The following DOCK11 variants were observed in gnomAD, a reference collection of about 807,000 sequenced individuals.
The protein encoded by DOCK11 is dedicator of cytokinesis 11.
In DOCK11, 70 loss-of-function variants were observed where a neutral mutation model predicts 169.1. The observed-to-expected ratio is 0.41, with a 90% CI of 0.34 to 0.51. The LOEUF is 0.51. Among genes scored for constraint, DOCK11 ranks in the 20% least tolerant of loss-of-function variants. DOCK11 has a pLI of 0.10. For synonymous variants in DOCK11, 529 were observed against 541.3 expected (o/e 0.98, Z 0.32); for missense variants, 1,166 against 1,538.8 (o/e 0.76, Z 4.05).
At chrX:118,566,329 C>CT in intron 8 of DOCK11, 147 bp downstream of exon 8, 2 of 608,709 alleles carry the variant, frequency 3.3e-6, no homozygotes, top group Non-Finnish European at 5.0e-6. Flanking sequence ...GGTTGATAGA[C>CT]TTTTTTTAAA....
chrX:118,605,495 T>G, intron 24 of DOCK11, 139 bp downstream of exon 24: 1 of 393,368 alleles, frequency 2.5e-6, no homozygotes, highest in Non-Finnish European at 4.4e-6. Context: ...GTGTTTTCAT[T>G]GTCATTTGTC....
chrX:118,542,871 A>G, intron 2 of DOCK11, 30 bp downstream of exon 2: 1 of 1,198,023 alleles, frequency 8.3e-7, no homozygotes, highest in Non-Finnish European at 1.1e-6. Flanking sequence ...TTTAAAGAAA[A>G]AAACCCCTAT....
chrX:118,623,700 G>A (rs1029095664), intron 31 of DOCK11, among the ~76,000 whole-genome samples: 3 of 113,004 alleles, frequency 2.7e-5, no homozygotes, highest in Non-Finnish European at 3.7e-5. Context: ...AATAGTAAAT[G>A]CAAACTAAAA....
At chrX:118,526,291 C>T (rs1211419515) in intron 1 of DOCK11, among the ~76,000 whole-genome samples, 1 of 112,236 alleles carries the variant, frequency 8.9e-6, no homozygotes, top group Non-Finnish European at 1.9e-5. Flanking sequence ...GAATCAAGTC[C>T]TCCTCATACC....
At position 118,596,704 on chromosome X, in the gene DOCK11, A is replaced by T. The variant is rs1461042129; in HGVS notation, c.2264-727A>T. Among the ~76,000 whole-genome samples the T allele has an allele frequency of 2.7e-5, 3 of 111,730 alleles. No homozygotes were observed. In the Admixed American group the frequency reaches 2.8e-4, roughly 11 times the overall value. ...TTAGCTAGAACATGATGAGTTTTCTAATTGAAAGCCAAAAGGCTCTTTTGG... is the reference window on the plus strand; with the variant it reads ...TTAGCTAGAACATGATGAGTTTTCTTATTGAAAGCCAAAAGGCTCTTTTGG... On this transcript the variant is annotated intron_variant, in intron 20 of 52. Transcript: ENST00000276202.
intron 31 of DOCK11, among the ~76,000 whole-genome samples, chrX:118,623,578 A>G (rs2015025507): frequency 8.9e-6 from 1 of 112,787 alleles, no homozygotes; most frequent in Non-Finnish European, 1.9e-5. Flanking sequence ...GGTAGAGACT[A>G]TTACTGACGG....
chrX:118,620,221 A>G (rs2014937570), intron 31 of DOCK11, among the ~76,000 whole-genome samples: 1 of 111,936 alleles, frequency 8.9e-6, no homozygotes. Flanking sequence ...ACTCTAATTT[A>G]CTTCCACGGT....
chrX:118,602,094 C>CTTTT (rs536697143), intron 23 of DOCK11, among the ~76,000 whole-genome samples: 1 of 74,638 alleles, frequency 1.3e-5, no homozygotes, highest in African/African-American at 4.9e-5. Context: ...CCGGCCAAGA[C>CTTTT]TTTTTTTTTT....
chrX:118,646,761 C>G (rs1027357603), intron 40 of DOCK11, among the ~76,000 whole-genome samples: 1 of 111,611 alleles, frequency 9.0e-6, no homozygotes, highest in African/African-American at 3.3e-5. Context: ...TCCCAATTCC[C>G]AATCAGAAAA....
At chrX:118,668,058 GC>G (rs1480633004) in intron 45 of DOCK11, among the ~76,000 whole-genome samples, 1 of 111,884 alleles carries the variant, frequency 8.9e-6, no homozygotes, top group Non-Finnish European at 1.9e-5. Context: ...ATACAATTAT[GC>G]CATATGCACG....
chrX:118,558,723 A>G (rs2012807533), intron 6 of DOCK11, among the ~76,000 whole-genome samples: 1 of 112,432 alleles, frequency 8.9e-6, no homozygotes, highest in African/African-American at 3.2e-5. Flanking sequence ...CATAGAGATG[A>G]CTTTTAAAAA....
chrX:118,680,970 G>A, intron 49 of DOCK11, 88 bp from the exon 50 acceptor site: 2 of 869,653 alleles, frequency 2.3e-6, no homozygotes, highest in Non-Finnish European at 3.2e-6. Context: ...GATGGGGAGA[G>A]TTAAGCACAA....
At chrX:118,621,001 A>G (rs1458226460) in intron 31 of DOCK11, among the ~76,000 whole-genome samples, 1 of 112,786 alleles carries the variant, frequency 8.9e-6, no homozygotes, top group African/African-American at 3.2e-5. Context: ...ACAAATTTGG[A>G]CACTTTTAAC....
At chrX:118,516,025 T>A (rs2057683321) in intron 1 of DOCK11, among the ~76,000 whole-genome samples, 3 of 3,888 alleles carry the variant, frequency 7.7e-4, no homozygotes, top group Non-Finnish European at 1.1e-3. Flanking sequence ...ATATACATTC[T>A]TACACCAGAA....
In DOCK11 at chrX:118,539,872, G is replaced by T. The variant is rs376008246; in HGVS notation, c.103-2853G>T. 2.4e-3 allele frequency among the ~76,000 whole-genome samples: 258 copies of T among 108,447 alleles called. 1 individual carries two copies. Among genetic ancestry groups the T allele is most frequent in the African/African-American group, 7.7e-3 (229 of 29,781 alleles). The allele number at this position is 108,447 out of a possible 115,157, so 94.2% of individuals were successfully genotyped here. A position where few individuals can be genotyped will look rare whatever the true frequency, so the allele number is the denominator to read the frequency against. ...TCGAGACCAGCCTGGCCAACATGGT[G>T]AAACCCTGTCTCTACTAAAAATACA... On this transcript the variant is annotated intron_variant, in intron 1 of 52. Transcript: ENST00000276202.
chrX:118,557,359 G>A (rs2012730655), intron 6 of DOCK11, among the ~76,000 whole-genome samples: 1 of 111,422 alleles, frequency 9.0e-6, no homozygotes, highest in African/African-American at 3.3e-5. Flanking sequence ...TGGATAGTGA[G>A]GAAAGAGGAT....
intron 23 of DOCK11, among the ~76,000 whole-genome samples, chrX:118,602,094 C>CTTT (rs536697143): frequency 5.4e-5 from 4 of 74,628 alleles, no homozygotes; most frequent in Non-Finnish European, 1.0e-4. Context: ...CCGGCCAAGA[C>CTTT]TTTTTTTTTT....
intron 1 of DOCK11, among the ~76,000 whole-genome samples, chrX:118,510,519 G>A (rs2057643822): frequency 8.9e-6 from 1 of 111,775 alleles, no homozygotes; most frequent in South Asian, 3.7e-4. Flanking sequence ...CACTTTGCGG[G>A]CATTTAGCCA....
At chrX:118,590,633 C>T (rs748782036) in intron 19 of DOCK11, among the ~76,000 whole-genome samples, 4 of 111,964 alleles carry the variant, frequency 3.6e-5, no homozygotes, top group Non-Finnish European at 7.5e-5. Context: ...GTCTCCATTT[C>T]CTCAGCTTTA....
Sources: allele counts gnomAD v4.1 joint callset (sites outside exome capture counted in the v4.1 genomes callset), GRCh38; gene constraint gnomAD v4.1.1; transcripts MANE v1.5; gene names NCBI Gene and HGNC (gene_info 2026-07-23, HGNC 2026-07-21).